SAMD5: variants seen among roughly 807,000 people sequenced by gnomAD.
SAMD5 encodes the protein sterile alpha motif domain containing 5.
SAMD5 carries 13 observed loss-of-function variants against 11.3 expected under a neutral mutation model. The observed-to-expected ratio is 1.15, with a 90% confidence interval of 0.75 to 1.83. The LOEUF is 1.83. Among genes scored for constraint, SAMD5 ranks in the 40% most tolerant of loss-of-function variants. The pLI, the probability that SAMD5 is intolerant of heterozygous loss-of-function variation, is 0.00. For synonymous variants in SAMD5, 129 were observed against 111.3 expected (o/e 1.16, Z -1.00); for missense variants, 255 against 239.1 (o/e 1.07, Z -0.44).
the SAMD5 span, among the ~76,000 whole-genome samples, chr6:147,781,792 A>G: frequency 1.3e-5 from 2 of 151,818 alleles, no homozygotes; most frequent in Non-Finnish European, 2.9e-5. Context: ...ACACACACAC[A>G]CACACACACA....
rs1047132642 is a variant in SAMD5 at position 147,711,022 on chromosome 6, TAAGG to T, written c.163-26289_163-26286del. ...AAGGAAAATAAAGGAAGGAAGGAAA[TAAGG>T]AAGGAGGGAAGGAAAATGAAAGAAG... is the stretch of plus-strand genomic sequence containing the variant. On this transcript the variant is annotated intron_variant, in intron 1 of 1. Coordinates refer to the SAMD5 transcript ENST00000566741. The surrounding 1 kb of genome is among the most constrained non-coding windows in gnomAD (Gnocchi z 4.1). 1.4e-4 allele frequency among the ~76,000 whole-genome samples: 15 copies of T among 107,412 alleles called. No homozygotes were observed. Among genetic ancestry groups the T allele is most frequent in the African/African-American group, 2.9e-4 (8 of 27,242 alleles). 70.5% of individuals were successfully genotyped at this position (107,412 alleles called of 152,430 possible). A position where few individuals can be genotyped will look rare whatever the true frequency, so the allele number is the denominator to read the frequency against.
At chr6:147,641,850 A>G (rs1790317315) in intron 1 of SAMD5, among the ~76,000 whole-genome samples, 1 of 152,128 alleles carries the variant, frequency 6.6e-6, no homozygotes, top group African/African-American at 2.4e-5. Flanking sequence ...GTTTCTTTAG[A>G]GTTTGAATTC....
intron 1 of SAMD5, among the ~76,000 whole-genome samples, chr6:147,544,436 A>G (rs1562316731): frequency 1.3e-5 from 2 of 152,252 alleles, no homozygotes; most frequent in Non-Finnish European, 2.9e-5. Flanking sequence ...TAAGCACTTA[A>G]ACTTATATAG....
the SAMD5 span, among the ~76,000 whole-genome samples, chr6:147,830,965 A>G: frequency 6.6e-6 from 1 of 152,242 alleles, no homozygotes; most frequent in Non-Finnish European, 1.5e-5. Flanking sequence ...CTGTGTACCA[A>G]GGAATTATTC....
the SAMD5 span, among the ~76,000 whole-genome samples, chr6:147,909,634 C>CTTTCTTTCTTTCT: frequency 3.9e-3 from 257 of 66,584 alleles, 26 homozygotes; most frequent in East Asian, 0.032. Context: ...CTTTCTTTCT[C>CTTTCTTTCTTTCT]TTTCTTGTCT....
At chr6:147,954,116 T>C in the SAMD5 span, among the ~76,000 whole-genome samples, 1 of 152,260 alleles carries the variant, frequency 6.6e-6, no homozygotes. Context: ...TTTAAAAGTG[T>C]GTATGTGGTC....
At chr6:147,516,586 A>T (rs1788174615) in intron 1 of SAMD5, among the ~76,000 whole-genome samples, 1 of 152,244 alleles carries the variant, frequency 6.6e-6, no homozygotes, top group Non-Finnish European at 1.5e-5. Context: ...CTAAAACAAT[A>T]GAAATTTATT....
At chr6:147,734,511 T>C (rs1211933256) in intron 1 of SAMD5, among the ~76,000 whole-genome samples, 1 of 151,818 alleles carries the variant, frequency 6.6e-6, no homozygotes, top group African/African-American at 2.4e-5. Context: ...GGTCAGAAGA[T>C]TGAGACCATC....
At chr6:147,717,554 C>A (rs140272047) in intron 1 of SAMD5, among the ~76,000 whole-genome samples, 1 of 152,298 alleles carries the variant, frequency 6.6e-6, no homozygotes, top group African/African-American at 2.4e-5. Flanking sequence ...AGGGAAGGAC[C>A]CCGCGTGTCC....
chr6:147,694,191 AGGGGTGCCAGG>A (rs1326346115), intron 1 of SAMD5, among the ~76,000 whole-genome samples: 3 of 152,206 alleles, frequency 2.0e-5, no homozygotes, highest in Admixed American at 2.0e-4. Flanking sequence ...ACATCTGGTA[AGGGGTGCCAGG>A]TGGGATAACA....
At chr6:147,633,943 C>T (rs1450778876) in intron 1 of SAMD5, among the ~76,000 whole-genome samples, 1 of 152,132 alleles carries the variant, frequency 6.6e-6, no homozygotes, top group African/African-American at 2.4e-5. Flanking sequence ...TTATTCACCT[C>T]TATCCTTTAG....
intron 1 of SAMD5, among the ~76,000 whole-genome samples, chr6:147,600,494 T>C (rs1234958713): frequency 6.6e-6 from 1 of 152,228 alleles, no homozygotes; most frequent in Non-Finnish European, 1.5e-5. Flanking sequence ...GAGTTTCATA[T>C]GGAGCCTCCT....
chr6:147,527,136 A>T (rs11155499), intron 1 of SAMD5, among the ~76,000 whole-genome samples: 1 of 152,118 alleles, frequency 6.6e-6, no homozygotes, highest in African/African-American at 2.4e-5. Flanking sequence ...TCCTCTTTTC[A>T]TTGATCAAAG....
chr6:147,590,899 G>A (rs1361651796), intron 1 of SAMD5, among the ~76,000 whole-genome samples: 1 of 152,124 alleles, frequency 6.6e-6, no homozygotes, highest in Admixed American at 6.5e-5. Context: ...TTTTTAAAAT[G>A]TGGTCAAGGA....
the SAMD5 span, among the ~76,000 whole-genome samples, chr6:147,836,029 G>C: frequency 3.3e-5 from 5 of 152,194 alleles, no homozygotes; most frequent in Non-Finnish European, 1.5e-5. Flanking sequence ...CTTGGCACCA[G>C]CTTTACGCTT....
intron 1 of SAMD5, among the ~76,000 whole-genome samples, chr6:147,678,847 T>C (rs1420612246): frequency 6.6e-6 from 1 of 152,174 alleles, no homozygotes; most frequent in Non-Finnish European, 1.5e-5. Context: ...ATTCCAAGTG[T>C]ACAATTGTGT....
intron 1 of SAMD5, among the ~76,000 whole-genome samples, chr6:147,695,318 AT>A (rs148241893): frequency 6.6e-6 from 1 of 151,638 alleles, no homozygotes; most frequent in Non-Finnish European, 1.5e-5. Flanking sequence ...AGTTTCTATG[AT>A]TTTTTTTCCA....
chr6:147,547,510 T>A (rs978625087), intron 1 of SAMD5, among the ~76,000 whole-genome samples: 2 of 152,200 alleles, frequency 1.3e-5, no homozygotes, highest in African/African-American at 2.4e-5. Context: ...CCTCACTTCT[T>A]TTCATGTGGC....
chr6:147,658,041 A>G (rs1790595431), intron 1 of SAMD5, among the ~76,000 whole-genome samples: 1 of 152,236 alleles, frequency 6.6e-6, no homozygotes, highest in Non-Finnish European at 1.5e-5. Context: ...AATGTGGAAA[A>G]AATAGACTTC....
Sources: gnomAD v4.1 joint callset for allele counts (sites outside exome capture counted in the v4.1 genomes callset) on GRCh38, gnomAD v4.1.1 for gene constraint, Gnocchi (gnomAD v3.1) non-coding constraint, MANE v1.5 for transcripts, NCBI Gene and HGNC (gene_info 2026-07-23, HGNC 2026-07-21) for gene names.